Variants in UNC5D observed in about 807,000 individuals in gnomAD.
UNC5D encodes netrin receptor UNC5D.
Under a neutral mutation model 105.4 loss-of-function variants are expected in UNC5D, and 39 were observed. The observed-to-expected ratio is 0.37, with a 90% CI of 0.29 to 0.48. The LOEUF (loss-of-function observed/expected upper bound fraction) is 0.48. UNC5D is among the 20% of genes least tolerant of loss of function. The pLI is 0.98. For synonymous variants in UNC5D, 452 were observed against 450.4 expected, an observed-to-expected ratio of 1.00 and a Z score of -0.04; for missense variants, 991 against 1,202.4, an observed-to-expected ratio of 0.82 and a Z score of 2.60.
At chr8:35,394,267 T>C (rs1289467305) in intron 1 of UNC5D, among the ~76,000 whole-genome samples, 1 of 152,194 alleles carries the variant, frequency 6.6e-6, no homozygotes, top group Non-Finnish European at 1.5e-5. Context: ...CGATGCAATG[T>C]CAATGAATAT....
chr8:35,784,785 G>A (rs746314296), intron 16 of UNC5D, among the ~76,000 whole-genome samples: 10 of 151,940 alleles, frequency 6.6e-5, no homozygotes, highest in African/African-American at 1.2e-4. Flanking sequence ...AGAGTAGCTC[G>A]TTTACATCTG....
chr8:35,305,593 C>CTTTCTT (rs1808304504), intron 1 of UNC5D, among the ~76,000 whole-genome samples: 1 of 142,022 alleles, frequency 7.0e-6, no homozygotes, highest in Admixed American at 7.0e-5. Context: ...TTCTTTCTTT[C>CTTTCTT]TTTCTTTCTT....
At chr8:35,699,961 T>C (rs1004353072) in intron 7 of UNC5D, among the ~76,000 whole-genome samples, 5 of 152,256 alleles carry the variant, frequency 3.3e-5, no homozygotes, top group African/African-American at 1.2e-4. Flanking sequence ...GAGTTGGAGC[T>C]TGTTTTCCTG....
chr8:35,402,361 A>G (rs1804523459), intron 1 of UNC5D, among the ~76,000 whole-genome samples: 1 of 152,106 alleles, frequency 6.6e-6, no homozygotes, highest in Non-Finnish European at 1.5e-5. Context: ...AGAGAATGAG[A>G]GCCAAATGAA....
chr8:35,662,208 T>C lies in UNC5D; in HGVS notation c.571-21339T>C, dbSNP rs543039881. The stretch of plus-strand genomic sequence containing the variant: ...TTTCAAAAAAAAAAAAAAAAAACTG[T>C]GCGTAGTGGTTTAGACTGATTTAAG... On this transcript the variant is annotated intron_variant, in intron 4 of 16. Coordinates refer to ENST00000404895, the MANE Select transcript of UNC5D (RefSeq NM_080872.4). 5.5e-5 allele frequency among the ~76,000 whole-genome samples: 8 copies of C among 145,520 alleles called. No homozygotes were observed. In the East Asian group the frequency reaches 1.4e-3, roughly 26 times the overall value.
At chr8:35,477,977 G>A (rs1333345438) in intron 1 of UNC5D, among the ~76,000 whole-genome samples, 1 of 152,000 alleles carries the variant, frequency 6.6e-6, no homozygotes, top group Non-Finnish European at 1.5e-5. Context: ...CCATGCTAGG[G>A]AGCTGATATC....
intron 4 of UNC5D, among the ~76,000 whole-genome samples, chr8:35,676,327 C>A (rs973548402): frequency 6.6e-6 from 1 of 152,164 alleles, no homozygotes. Context: ...AGTTTCTTTG[C>A]ATGTTCTGAA....
intron 1 of UNC5D, among the ~76,000 whole-genome samples, chr8:35,540,388 A>T (rs1815183444): frequency 6.6e-6 from 1 of 152,054 alleles, no homozygotes; most frequent in Admixed American, 6.6e-5. Flanking sequence ...CCATGAAGTG[A>T]AAGCTAAAAT....
intron 1 of UNC5D, among the ~76,000 whole-genome samples, chr8:35,519,608 T>C (rs764281826): frequency 7.2e-5 from 11 of 152,246 alleles, no homozygotes; most frequent in Non-Finnish European, 1.3e-4. Flanking sequence ...CATAGCAGAA[T>C]TATTTCAAAT....
At chr8:35,616,967 C>G (rs779685154) in intron 4 of UNC5D, among the ~76,000 whole-genome samples, 2 of 152,192 alleles carry the variant, frequency 1.3e-5, no homozygotes, top group African/African-American at 4.8e-5. Context: ...GATGCCGCCA[C>G]ATAAGGAGCT....
intron 1 of UNC5D, among the ~76,000 whole-genome samples, chr8:35,342,442 A>G (rs1325833628): frequency 6.6e-6 from 1 of 152,106 alleles, no homozygotes; most frequent in Non-Finnish European, 1.5e-5. Context: ...TTCATCAGGT[A>G]ACTTGTTGGG....
At chr8:35,281,009 C>T (rs1031326282) in intron 1 of UNC5D, among the ~76,000 whole-genome samples, 1 of 152,180 alleles carries the variant, frequency 6.6e-6, no homozygotes, top group Non-Finnish European at 1.5e-5. Context: ...GCCTTTTCCC[C>T]GTTACTCTGG....
At chr8:35,415,875 G>T (rs952087824) in intron 1 of UNC5D, among the ~76,000 whole-genome samples, 6 of 152,116 alleles carry the variant, frequency 3.9e-5, no homozygotes, top group African/African-American at 1.4e-4. Context: ...CAGTAGAGTA[G>T]GAAGATAACT....
chr8:35,386,450 A>G (rs1417508133), intron 1 of UNC5D, among the ~76,000 whole-genome samples: 1 of 152,148 alleles, frequency 6.6e-6, no homozygotes, highest in Non-Finnish European at 1.5e-5. Context: ...AGATTCAGTG[A>G]TTTCTTCTGT....
chr8:35,379,638 T>C (rs1344476901), intron 1 of UNC5D, among the ~76,000 whole-genome samples: 1 of 152,078 alleles, frequency 6.6e-6, no homozygotes, highest in Non-Finnish European at 1.5e-5. Context: ...GACCTATCCC[T>C]ATCTTTAAGT....
chr8:35,545,986 C>T (rs544357191), intron 1 of UNC5D, among the ~76,000 whole-genome samples: 2 of 152,254 alleles, frequency 1.3e-5, no homozygotes, highest in Admixed American at 1.3e-4. Flanking sequence ...CCTCTACCCC[C>T]TGAGCTCAAG....
intron 1 of UNC5D, among the ~76,000 whole-genome samples, chr8:35,334,715 T>C (rs1810889803): frequency 1.3e-5 from 2 of 152,076 alleles, no homozygotes; most frequent in African/African-American, 4.8e-5. Flanking sequence ...GGTTTCACCA[T>C]GTTGGCAAGG....
At chr8:35,470,513 T>C (rs2087206609) in intron 1 of UNC5D, among the ~76,000 whole-genome samples, 1 of 149,900 alleles carries the variant, frequency 6.7e-6, no homozygotes, top group South Asian at 2.1e-4. Flanking sequence ...CTCAGCACTT[T>C]GGGAGGCTGA....
intron 1 of UNC5D, among the ~76,000 whole-genome samples, chr8:35,271,629 ATATAT>A (rs1304146482): frequency 5.7e-5 from 8 of 140,270 alleles, no homozygotes; most frequent in East Asian, 2.1e-4. Flanking sequence ...TACATGTAAC[ATATAT>A]TATGTATACC....
Sources: gnomAD v4.1 joint callset for allele counts (sites outside exome capture counted in the v4.1 genomes callset) on GRCh38, gnomAD v4.1.1 for gene constraint, MANE v1.5 for transcripts, NCBI Gene and HGNC (gene_info 2026-07-23, HGNC 2026-07-21) for gene names.